C1orf105: variants seen among roughly 807,000 people sequenced by gnomAD.
C1orf105 encodes uncharacterized protein C1orf105.
In C1orf105, 17 loss-of-function variants were observed where a neutral mutation model predicts 20.8. The observed-to-expected ratio is 0.82, with a 90% CI of 0.56 to 1.23. C1orf105 has a LOEUF of 1.23. Ranked by LOEUF, C1orf105 falls within the 50% of genes most tolerant of loss-of-function variation. The pLI is 0.00. For missense variants in C1orf105, 219 were observed against 213.5 expected, an observed-to-expected ratio of 1.03 and a Z score of -0.16; for synonymous variants, 72 against 72.1, an observed-to-expected ratio of 1.00 and a Z score of 0.01.
chr1:172,455,329 C>T (rs1433518575), intron 3 of C1orf105, among the ~76,000 whole-genome samples: 1 of 152,152 alleles, frequency 6.6e-6, no homozygotes, highest in East Asian at 1.9e-4. Context: ...TTCTGTTCCT[C>T]CTCTTTCTGT....
intron 1 of C1orf105, among the ~76,000 whole-genome samples, chr1:172,430,046 C>T (rs540992075): frequency 1.4e-4 from 21 of 152,044 alleles, no homozygotes; most frequent in South Asian, 4.2e-4. Flanking sequence ...GGGCAGACAG[C>T]TTCTTATGCT....
intron 3 of C1orf105, among the ~76,000 whole-genome samples, chr1:172,453,477 G>A (rs144195870): frequency 5.8e-4 from 88 of 152,278 alleles, no homozygotes; most frequent in Middle Eastern, 3.4e-3. Context: ...CCTGAAGACC[G>A]TGTTACAATA....
Position 172,448,421 on chromosome 1 carries a change from C to G in C1orf105, c.108-20C>G. The G allele has an allele frequency of 6.5e-7, 1 of 1,544,542 alleles. No individual in the cohort carries two copies. The highest frequency in any genetic ancestry group is 8.9e-7 in the Non-Finnish European group (1 of 1,119,848). On this transcript the variant is annotated intron_variant, in intron 2 of 6. Transcript: ENST00000367727. ...AACATGGGACTGCGGTTCTAACGTT[C>G]TCTTGTTTTAATTACTTAGATATCC...
At chr1:172,457,494 C>T (rs962991960) in intron 4 of C1orf105, among the ~76,000 whole-genome samples, 4 of 152,204 alleles carry the variant, frequency 2.6e-5, no homozygotes, top group African/African-American at 9.7e-5. Context: ...ACAAATTTAA[C>T]TGAAGCTACC....
chr1:172,434,300 A>T (rs1157497863), intron 1 of C1orf105, among the ~76,000 whole-genome samples: 1 of 152,232 alleles, frequency 6.6e-6, no homozygotes, highest in Non-Finnish European at 1.5e-5. Context: ...CAAAATATAC[A>T]TTCTTTTCAG....
intron 1 of C1orf105, among the ~76,000 whole-genome samples, chr1:172,435,806 G>C (rs770064599): frequency 6.6e-6 from 1 of 152,198 alleles, no homozygotes; most frequent in Non-Finnish European, 1.5e-5. Context: ...AAGTCAAATT[G>C]TCCCTGTTTC....
At chr1:172,420,956 C>T in intron 1 of C1orf105, 50 bp downstream of exon 1, 2 of 1,541,120 alleles carry the variant, frequency 1.3e-6, no homozygotes, top group Non-Finnish European at 1.8e-6. Flanking sequence ...TGGGGTTACC[C>T]TGGTAAATGT....
intron 1 of C1orf105, 40 bp downstream of exon 1, chr1:172,420,946 T>C (rs1233448345): frequency 2.6e-6 from 4 of 1,566,186 alleles, no homozygotes; most frequent in Admixed American, 1.7e-5. Context: ...TCTTTCCTTA[T>C]GGGGTTACCC....
At chr1:172,445,644 T>C (rs1366396137) in intron 2 of C1orf105, among the ~76,000 whole-genome samples, 2 of 152,202 alleles carry the variant, frequency 1.3e-5, no homozygotes, top group East Asian at 3.8e-4. Flanking sequence ...TTTTTCAAAA[T>C]TGCAGGAATT....
chr1:172,437,733 T>TA (rs974552028), intron 1 of C1orf105, among the ~76,000 whole-genome samples: 5 of 132,290 alleles, frequency 3.8e-5, no homozygotes, highest in African/African-American at 1.3e-4. Flanking sequence ...TAAAGTATAA[T>TA]AATAATAATA....
At chr1:172,420,970 T>C in intron 1 of C1orf105, 64 bp downstream of exon 1, 2 of 1,476,624 alleles carry the variant, frequency 1.4e-6, no homozygotes, top group Non-Finnish European at 1.9e-6. Context: ...TAAATGTTTG[T>C]ATGCCTTGGA....
intron 1 of C1orf105, among the ~76,000 whole-genome samples, chr1:172,421,647 CAACT>C (rs1420950383): frequency 2.6e-5 from 4 of 152,158 alleles, no homozygotes. Flanking sequence ...TCAAATTTAA[CAACT>C]ATCTACACAA....
chr1:172,423,750 T>C (rs916123188), intron 1 of C1orf105, among the ~76,000 whole-genome samples: 2 of 151,930 alleles, frequency 1.3e-5, no homozygotes, highest in Non-Finnish European at 2.9e-5. Context: ...TTCTATCAAA[T>C]AAATTTAACA....
At chr1:172,450,666 A>G (rs1205181026) in intron 3 of C1orf105, among the ~76,000 whole-genome samples, 1 of 152,146 alleles carries the variant, frequency 6.6e-6, no homozygotes, top group African/African-American at 2.4e-5. Flanking sequence ...GTTCCTCTTC[A>G]CCGTCACAGG....
intron 3 of C1orf105, 116 bp from the exon 4 acceptor site, chr1:172,456,299 T>C (rs1209655379): frequency 1.3e-5 from 11 of 854,136 alleles, no homozygotes; most frequent in Non-Finnish European, 1.9e-5. Context: ...TGCCCATCTC[T>C]GTTTTACGGA....
At chr1:172,426,576 T>TC (rs2071729102) in intron 1 of C1orf105, among the ~76,000 whole-genome samples, 1 of 151,628 alleles carries the variant, frequency 6.6e-6, no homozygotes, top group South Asian at 2.1e-4. Context: ...TTTTTTTTTT[T>TC]CTTCTACTTG....
At chr1:172,449,154 C>T (rs1455693580) in intron 3 of C1orf105, among the ~76,000 whole-genome samples, 2 of 152,144 alleles carry the variant, frequency 1.3e-5, no homozygotes, top group South Asian at 2.1e-4. Context: ...ACACGGTGCC[C>T]CACCCAGAGC....
intron 1 of C1orf105, among the ~76,000 whole-genome samples, chr1:172,426,328 C>A (rs771439698): frequency 1.3e-5 from 2 of 152,150 alleles, no homozygotes; most frequent in African/African-American, 4.8e-5. Context: ...CTCGCTAAAA[C>A]CCCCAGCTTT....
chr1:172,423,967 C>T (rs1475319120), intron 1 of C1orf105, among the ~76,000 whole-genome samples: 2 of 151,958 alleles, frequency 1.3e-5, no homozygotes, highest in Admixed American at 6.5e-5. Flanking sequence ...TGTCAGGGAC[C>T]ATCTTTATAT....
Sources: allele counts gnomAD v4.1 joint callset (sites outside exome capture counted in the v4.1 genomes callset), GRCh38; gene constraint gnomAD v4.1.1; transcripts MANE v1.5; gene names NCBI Gene and HGNC (gene_info 2026-07-23, HGNC 2026-07-21).